GRIA4: variants seen among roughly 807,000 people sequenced by gnomAD.
GRIA4 encodes glutamate receptor 4.
Under a neutral mutation model 104.0 loss-of-function variants are expected in GRIA4, and 34 were observed. That is an observed-to-expected ratio of 0.33 (90% CI 0.25 to 0.44). The LOEUF is 0.44. Ranked by LOEUF, GRIA4 falls within the 20% of genes least tolerant of loss-of-function variation. The pLI, the probability that GRIA4 is intolerant of heterozygous loss-of-function variation, is 1.00. For missense variants in GRIA4, 750 were observed against 1,096.5 expected, an observed-to-expected ratio of 0.68 and a Z score of 4.46; for synonymous variants, 386 against 381.9, an observed-to-expected ratio of 1.01 and a Z score of -0.13.
At chr11:105,673,778 T>G (rs1952449017) in intron 3 of GRIA4, among the ~76,000 whole-genome samples, 1 of 151,900 alleles carries the variant, frequency 6.6e-6, no homozygotes, top group South Asian at 2.1e-4. Flanking sequence ...TAACGTTTGT[T>G]TAATAAATTA....
intron 3 of GRIA4, among the ~76,000 whole-genome samples, chr11:105,620,927 G>A (rs1950727997): frequency 6.6e-6 from 1 of 151,346 alleles, no homozygotes. Flanking sequence ...TCATATTTTT[G>A]GATTTCAAAT....
intron 3 of GRIA4, among the ~76,000 whole-genome samples, chr11:105,688,164 A>ATCTATATC (rs765398002): frequency 7.3e-6 from 1 of 136,818 alleles, no homozygotes. Flanking sequence ...ATCTCTATCT[A>ATCTATATC]TCTATCTATC....
chr11:105,632,755 G>A (rs751881561), intron 3 of GRIA4, among the ~76,000 whole-genome samples: 2 of 152,180 alleles, frequency 1.3e-5, no homozygotes, highest in South Asian at 2.1e-4. Flanking sequence ...GCAACACAGC[G>A]GGACCCCGTT....
At chr11:105,778,834 T>G (rs1448934790) in intron 4 of GRIA4, among the ~76,000 whole-genome samples, 2 of 151,834 alleles carry the variant, frequency 1.3e-5, no homozygotes, top group Non-Finnish European at 2.9e-5. Context: ...GCGCACAACG[T>G]GCAAGTTTGT....
intron 3 of GRIA4, among the ~76,000 whole-genome samples, chr11:105,677,576 T>A (rs1952578718): frequency 6.6e-6 from 1 of 151,912 alleles, no homozygotes; most frequent in Non-Finnish European, 1.5e-5. Context: ...CAAACTTAAA[T>A]CAGAATCTGA....
chr11:105,644,070 A>T (rs1951450913), intron 3 of GRIA4, among the ~76,000 whole-genome samples: 1 of 152,226 alleles, frequency 6.6e-6, no homozygotes, highest in African/African-American at 2.4e-5. Context: ...AGATATCAGA[A>T]GAGTATGAGA....
chr11:105,853,802 CTAAG>C, intron 4 of GRIA4, among the ~76,000 whole-genome samples: 1 of 152,220 alleles, frequency 6.6e-6, no homozygotes, highest in African/African-American at 2.4e-5. Flanking sequence ...TGGAGTTGGT[CTAAG>C]TGACAGGAGA....
intron 14 of GRIA4, among the ~76,000 whole-genome samples, chr11:105,940,443 C>T (rs760246865): frequency 5.9e-5 from 9 of 152,080 alleles, no homozygotes; most frequent in Non-Finnish European, 1.3e-4. Flanking sequence ...AATAGGTAGA[C>T]GTGGAGAATA....
intron 9 of GRIA4, 48 bp from the exon 10 acceptor site, chr11:105,910,387 A>G (rs746788761): frequency 1.1e-6 from 1 of 883,570 alleles, no homozygotes; most frequent in Non-Finnish European, 1.9e-6. Context: ...GAAGAACTAG[A>G]GTAAATGCTT....
chr11:105,881,124 T>C (rs147501386), intron 5 of GRIA4, among the ~76,000 whole-genome samples: 10 of 152,288 alleles, frequency 6.6e-5, no homozygotes, highest in Admixed American at 2.0e-4. Flanking sequence ...TAATTCCATT[T>C]GGAATGAGTG....
intron 10 of GRIA4, chr11:105,912,368 G>C: frequency 1.0e-6 from 1 of 970,242 alleles, no homozygotes; most frequent in Non-Finnish European, 1.2e-6. Flanking sequence ...GTATGATATA[G>C]AGAATCTCCT....
At chr11:105,662,217 C>A (rs1952034283) in intron 3 of GRIA4, among the ~76,000 whole-genome samples, 1 of 151,760 alleles carries the variant, frequency 6.6e-6, no homozygotes, top group South Asian at 2.1e-4. Flanking sequence ...TTGTATTTAA[C>A]CCTTCTAAAA....
At chr11:105,715,123 T>A (rs138292959) in intron 3 of GRIA4, among the ~76,000 whole-genome samples, 2 of 152,286 alleles carry the variant, frequency 1.3e-5, no homozygotes, top group African/African-American at 4.8e-5. Context: ...TCAGTGTAAA[T>A]CAGCGTAGTC....
At chr11:105,639,248 G>A (rs1254963216) in intron 3 of GRIA4, among the ~76,000 whole-genome samples, 1 of 151,970 alleles carries the variant, frequency 6.6e-6, no homozygotes, top group Admixed American at 6.6e-5. Context: ...TTACTTTTGG[G>A]ATAAAAGTAG....
chr11:105,887,513 T>C lies in GRIA4; in HGVS notation c.673-6T>C, dbSNP rs199587299. On this transcript the variant is annotated splice_region_variant and splice_polypyrimidine_tract_variant and intron_variant, in intron 5 of 16. Transcript: ENST00000282499. ...GATTTTCTCTTATTTGCTTATATCT[T>C]CACAGATTGTAAGTGTTGGAAAGCA... 7.0e-6 allele frequency: 9 copies of C among 1,293,744 alleles called. No individual in the cohort carries two copies. The highest frequency in any genetic ancestry group is 9.9e-6 in the Non-Finnish European group (9 of 911,198). The allele number at this position is 1,293,744 out of a possible 1,614,324, so 80.1% of individuals were successfully genotyped here. A position where few individuals can be genotyped will look rare whatever the true frequency, so the allele number is the denominator to read the frequency against.
intron 3 of GRIA4, among the ~76,000 whole-genome samples, chr11:105,661,438 T>TG: frequency 6.6e-6 from 1 of 151,658 alleles, no homozygotes; most frequent in Non-Finnish European, 1.5e-5. Flanking sequence ...ATGTAGCCCT[T>TG]ATTTGGATTT....
intron 4 of GRIA4, among the ~76,000 whole-genome samples, chr11:105,756,773 T>C (rs1283957315): frequency 6.6e-6 from 1 of 151,642 alleles, no homozygotes; most frequent in Non-Finnish European, 1.5e-5. Flanking sequence ...AAAAAAAATC[T>C]CATCAAGATT....
intron 4 of GRIA4, among the ~76,000 whole-genome samples, chr11:105,841,927 T>C (rs1944407662): frequency 6.6e-6 from 1 of 152,202 alleles, no homozygotes; most frequent in Non-Finnish European, 1.5e-5. Flanking sequence ...CTTTCTCTCA[T>C]TGAATTAATA....
At chr11:105,787,566 C>G (rs1279919619) in intron 4 of GRIA4, among the ~76,000 whole-genome samples, 1 of 144,134 alleles carries the variant, frequency 6.9e-6, no homozygotes, top group Non-Finnish European at 1.5e-5. Flanking sequence ...ACTTCTGTCT[C>G]CTGGGTTCAA....
Sources: allele counts gnomAD v4.1 joint callset (sites outside exome capture counted in the v4.1 genomes callset), GRCh38; gene constraint gnomAD v4.1.1; transcripts MANE v1.5; gene names NCBI Gene and HGNC (gene_info 2026-07-23, HGNC 2026-07-21).